The following DROSHA variants were observed in gnomAD, a reference collection of about 807,000 sequenced individuals.
DROSHA encodes the protein drosha ribonuclease III, also known as ribonuclease 3.
Under a neutral mutation model 181.9 loss-of-function variants are expected in DROSHA, and 56 were observed. The ratio of observed to expected loss-of-function variants is 0.31; its 90% CI spans 0.25 to 0.38. The LOEUF (loss-of-function observed/expected upper bound fraction) is 0.38, where lower values mean the gene tolerates loss of function less well. DROSHA is among the 10% of genes least tolerant of loss of function. DROSHA has a pLI of 1.00. For synonymous variants in DROSHA, 524 were observed against 591.2 expected, an observed-to-expected ratio of 0.89 and a Z score of 1.65; for missense variants, 1,218 against 1,743.5, an observed-to-expected ratio of 0.70 and a Z score of 5.37.
Position 31,448,576 on chromosome 5 carries a change from G to A in DROSHA, c.2853C>T (p.Arg951=). Residue 951 remains arginine (R), a synonymous_variant, in exon 23 of 36, where the codon CGC becomes CGT. Transcript: ENST00000344624. The part of the protein sequence containing the change: ...GINTLINIMS[R]LGQDDPTPSR... ...AGGGAGTTGGGTCATCTTGGCCAAGGCGTGACATGATATTTATCAAGGTGT... is the reference window on the plus strand; with the variant it reads ...AGGGAGTTGGGTCATCTTGGCCAAGACGTGACATGATATTTATCAAGGTGT... 6.2e-7 allele frequency: 1 copy of A among 1,613,550 alleles called. No individual in the cohort carries two copies. Among genetic ancestry groups the A allele is most frequent in the African/African-American group, 1.3e-5 (1 of 74,970 alleles).
chr5:31,445,129 C>A (rs1429696423), intron 23 of DROSHA, among the ~76,000 whole-genome samples: 1 of 152,216 alleles, frequency 6.6e-6, no homozygotes, highest in Non-Finnish European at 1.5e-5. Flanking sequence ...AGCTATTCCA[C>A]TTTCCAACTC....
chr5:31,438,171 A>G (rs545175762), intron 23 of DROSHA, among the ~76,000 whole-genome samples: 2 of 152,288 alleles, frequency 1.3e-5, no homozygotes, highest in South Asian at 4.2e-4. Flanking sequence ...GTCTCAGTGA[A>G]GCCAATGGAG....
Position 31,411,256 on chromosome 5 carries a change from AT to A in DROSHA, c.3526-370del, listed in dbSNP as rs1220168508. Among the ~76,000 whole-genome samples the A allele has an allele frequency of 5.9e-5, 9 of 152,200 alleles. No homozygotes were observed. The highest frequency in any genetic ancestry group is 3.9e-4 in the Admixed American group (6 of 15,278). On this transcript the variant is annotated intron_variant, in intron 30 of 35. Transcript: ENST00000344624. The surrounding 1 kb of genome is among the most constrained non-coding windows in gnomAD (Gnocchi z 4.2). ...GGAAGCATTAAGAGTGTTAAAATCA[AT>A]TTTATTAAAGTGTAACTTACATTCA... is the stretch of plus-strand genomic sequence containing the variant.
intron 26 of DROSHA, among the ~76,000 whole-genome samples, chr5:31,431,335 G>T (rs1744147713): frequency 8.8e-6 from 1 of 113,214 alleles, no homozygotes; most frequent in South Asian, 3.1e-4. Context: ...CATGACATCA[G>T]ACACCAGACA....
At chr5:31,402,598 C>T (rs1383869240) in intron 35 of DROSHA, among the ~76,000 whole-genome samples, 1 of 152,044 alleles carries the variant, frequency 6.6e-6, no homozygotes, top group Non-Finnish European at 1.5e-5. Flanking sequence ...TTTAGGCATC[C>T]ACTGGGGTCA....
chr5:31,441,927 C>G (rs1315241619), intron 23 of DROSHA, among the ~76,000 whole-genome samples: 5 of 152,096 alleles, frequency 3.3e-5, no homozygotes, highest in Non-Finnish European at 7.3e-5. Context: ...GGGGACAAAC[C>G]ATATTTGGAT....
chr5:31,461,841 G>A (rs1397492625), intron 20 of DROSHA, among the ~76,000 whole-genome samples: 1 of 150,900 alleles, frequency 6.6e-6, no homozygotes, highest in East Asian at 1.9e-4. Context: ...ATTTCCATAT[G>A]TTGATGTTTT....
In DROSHA at chr5:31,526,796, T is replaced by C; in HGVS notation, c.137A>G (p.Gln46Arg). 1 of 1,610,628 alleles carries C rather than the reference T, an allele frequency of 6.2e-7. No homozygotes were observed. The highest frequency in any genetic ancestry group is 8.5e-7 in the Non-Finnish European group (1 of 1,179,042). The change falls in exon 5 of 36, where the codon CAG (glutamine) becomes CGG (arginine). Residue 46 changes from glutamine (Q) to arginine (R), a missense_variant. Physicochemically the swap from Gln to Arg is conservative, Grantham distance 43. Transcript: ENST00000344624. ...PQNLRLLHPQ[Q>R]PPVQYQYEPP... ...TTCATATTGATATTGCACAGGAGGC[T>C]GCTGAGGGTGAAGCAGCCTCAGATT...
intron 30 of DROSHA, among the ~76,000 whole-genome samples, chr5:31,415,149 A>G (rs1711877451): frequency 6.6e-6 from 1 of 152,216 alleles, no homozygotes. Flanking sequence ...TCTTCCTTCA[A>G]GTTCCCAATT....
chr5:31,510,982 G>T, intron 9 of DROSHA, 53 bp downstream of exon 9: 1 of 1,584,636 alleles, frequency 6.3e-7, no homozygotes, highest in Non-Finnish European at 8.6e-7. Context: ...CCAAAATTTA[G>T]GAATGAAGCT....
intron 5 of DROSHA, among the ~76,000 whole-genome samples, chr5:31,523,533 C>T (rs1218518129): frequency 5.3e-5 from 8 of 152,094 alleles, no homozygotes; most frequent in East Asian, 1.9e-4. Flanking sequence ...AAAACAGAGG[C>T]GGAAATACAA....
intron 16 of DROSHA, among the ~76,000 whole-genome samples, chr5:31,479,857 C>G (rs60930998): frequency 0.014 from 2,054 of 151,792 alleles, 51 homozygotes; most frequent in African/African-American, 0.047. Flanking sequence ...TATACCATAC[C>G]AGGTGGAATT....
At position 31,478,336 on chromosome 5, in the gene DROSHA, T is replaced by G. The variant is rs186785251; in HGVS notation, c.2071+5218A>C. 2.8e-3 allele frequency among the ~76,000 whole-genome samples: 433 copies of G among 152,340 alleles called. 3 individuals carry two copies. Among genetic ancestry groups the G allele is most frequent in the South Asian group, 0.014 (66 of 4,826 alleles). On this transcript the variant is annotated intron_variant, in intron 16 of 35. Coordinates refer to ENST00000344624, the MANE Select transcript of DROSHA (RefSeq NM_001382508.1). ...AAAATCCAAAAAAAACTCAAAATGTTTTACGAAAGTTTACGAATTTGTGAT... is the reference window on the plus strand; with the variant it reads ...AAAATCCAAAAAAAACTCAAAATGTGTTACGAAAGTTTACGAATTTGTGAT...
intron 24 of DROSHA, among the ~76,000 whole-genome samples, chr5:31,436,741 AACACACACACACACACACAC>A (rs58046266): frequency 0.016 from 2,143 of 137,782 alleles, 24 homozygotes; most frequent in South Asian, 0.053. Context: ...TCTGGAGAGA[AACACACACACACACACACAC>A]ACACACACAC....
intron 15 of DROSHA, among the ~76,000 whole-genome samples, chr5:31,484,418 T>C (rs1449653354): frequency 7.2e-6 from 1 of 138,644 alleles, no homozygotes; most frequent in Admixed American, 7.1e-5. Flanking sequence ...AGAATACGGA[T>C]ACTTCCAAAA....
At chr5:31,451,495 C>A in intron 21 of DROSHA, 38 bp downstream of exon 21, 1 of 1,528,728 alleles carries the variant, frequency 6.5e-7, no homozygotes, top group Non-Finnish European at 9.0e-7. Context: ...TTACTCCTAT[C>A]TTGTTATTAT....
chr5:31,428,087 T>C (rs999707095), intron 27 of DROSHA, among the ~76,000 whole-genome samples: 4 of 152,176 alleles, frequency 2.6e-5, no homozygotes, highest in Non-Finnish European at 5.9e-5. Flanking sequence ...CATGCCAGCA[T>C]TGCACTAGGT....
In DROSHA at chr5:31,429,461, T is replaced by C; in HGVS notation, c.3216+14A>G. On this transcript the variant is annotated intron_variant, in intron 27 of 35. Coordinates refer to ENST00000344624, the MANE Select transcript of DROSHA (RefSeq NM_001382508.1). ...ATATATAACAAAAAAAATCAAATGATTCCATAGAAATACCGGATCATTAAA... is the reference window on the plus strand; with the variant it reads ...ATATATAACAAAAAAAATCAAATGACTCCATAGAAATACCGGATCATTAAA... The C allele has an allele frequency of 6.2e-7, 1 of 1,600,602 alleles. No homozygotes were observed. The highest frequency in any genetic ancestry group is 1.1e-5 in the South Asian group (1 of 87,532).
chr5:31,410,722 G>A (rs1158177590), intron 31 of DROSHA, 24 bp downstream of exon 31: 5 of 1,606,320 alleles, frequency 3.1e-6, no homozygotes, highest in African/African-American at 1.3e-5. Flanking sequence ...CCTGGAGGTT[G>A]AGAGAAAAGT....
Sources: gnomAD v4.1 joint callset for allele counts (sites outside exome capture counted in the v4.1 genomes callset) on GRCh38, gnomAD v4.1.1 for gene constraint, Gnocchi (gnomAD v3.1) non-coding constraint, MANE v1.5 for transcripts, NCBI Gene and HGNC (gene_info 2026-07-23, HGNC 2026-07-21) for gene names.